COPB2: variants seen among roughly 807,000 people sequenced by gnomAD.
The protein encoded by COPB2 is coat protein complex I subunit beta 2.
Under a neutral mutation model 120.8 loss-of-function variants are expected in COPB2, and 16 were observed. That is an observed-to-expected ratio of 0.13 (90% confidence interval 0.09 to 0.20). The LOEUF (loss-of-function observed/expected upper bound fraction) is 0.20. Ranked by LOEUF, COPB2 falls within the 10% of genes least tolerant of loss-of-function variation. The pLI is 1.00. For synonymous variants in COPB2, 332 were observed against 366.3 expected, an observed-to-expected ratio of 0.91 and a Z score of 1.07; for missense variants, 794 against 1,076.5, an observed-to-expected ratio of 0.74 and a Z score of 3.67.
rs1560017210 is a variant in COPB2, at chr3:139,371,792, G to A, written c.1136C>T (p.Thr379Ile). ...VCGDGEYIIY[T>I]AMALRNKSFG... ...GCTCTTGTTTCTCAATGCCATTGCTGTGTAGATGATATACTCCCCATCACC... is the reference window on the plus strand; with the variant it reads ...GCTCTTGTTTCTCAATGCCATTGCTATGTAGATGATATACTCCCCATCACC... The change falls in exon 10 of 22, where the codon ACA (threonine) becomes ATA (isoleucine). Residue 379 changes from threonine to isoleucine, a missense_variant. By Grantham distance (89) the Thr-to-Ile change is moderately conservative. Transcript: ENST00000333188. 10 of 1,613,966 alleles carry A rather than the reference G, an allele frequency of 6.2e-6. No individual in the cohort carries two copies. The highest frequency in any genetic ancestry group is 8.5e-6 in the Non-Finnish European group (10 of 1,179,922).
At chr3:139,364,686 T>C (rs1201910437) in intron 15 of COPB2, among the ~76,000 whole-genome samples, 1 of 152,176 alleles carries the variant, frequency 6.6e-6, no homozygotes, top group Non-Finnish European at 1.5e-5. Flanking sequence ...TGGAAAGTCA[T>C]CAAAAATTCA....
In COPB2 at chr3:139,371,791, T is replaced by A. The variant is rs1170973943; in HGVS notation, c.1137A>T (p.Thr379=). The change falls in exon 10 of 22, where the codon ACA becomes ACT. Residue 379 remains threonine (T), a synonymous_variant. Coordinates refer to ENST00000333188, the MANE Select transcript of COPB2 (RefSeq NM_004766.3). The part of the protein sequence containing the change: ...VCGDGEYIIY[T]AMALRNKSFG... ...AGCTCTTGTTTCTCAATGCCATTGCTGTGTAGATGATATACTCCCCATCAC... is the reference window on the plus strand; with the variant it reads ...AGCTCTTGTTTCTCAATGCCATTGCAGTGTAGATGATATACTCCCCATCAC... The A allele has an allele frequency of 3.1e-6, 5 of 1,613,896 alleles. No individual in the cohort carries two copies.
intron 6 of COPB2, 71 bp from the exon 7 acceptor site, chr3:139,374,659 A>T: frequency 2.4e-6 from 3 of 1,233,386 alleles, no homozygotes; most frequent in Non-Finnish European, 3.5e-6. Flanking sequence ...TAATTTTCTC[A>T]GTGTACAGAT....
chr3:139,358,032 C>T, intron 21 of COPB2, 74 bp from the exon 22 acceptor site: 1 of 1,055,786 alleles, frequency 9.5e-7, no homozygotes, highest in Non-Finnish European at 1.4e-6. Flanking sequence ...GTTCATGATT[C>T]AAAGTGAGAA....
At chr3:139,364,980 T>C (rs546128979) in intron 15 of COPB2, among the ~76,000 whole-genome samples, 1 of 152,354 alleles carries the variant, frequency 6.6e-6, no homozygotes, top group African/African-American at 2.4e-5. Flanking sequence ...ATATCATTCA[T>C]ATCTGTAGAA....
Position 139,358,256 on chromosome 3 carries a change from G to A in COPB2, c.2569C>T (p.Pro857Ser), listed in dbSNP as rs546968520. Residue 857 changes from proline (P) to serine (S), a missense_variant, in exon 21 of 22, where the codon CCT becomes TCT. By Grantham distance (74) the Pro-to-Ser change is moderately conservative. Coordinates refer to ENST00000333188, the MANE Select transcript of COPB2 (RefSeq NM_004766.3). Reference sequence around the variant, plus strand: ...ACAATAACCGGAGTAGGAGAAGCAGGTTTCCCATCAAGTTCCTGAAACCAC... The same window carrying A: ...ACAATAACCGGAGTAGGAGAAGCAGATTTCCCATCAAGTTCCTGAAACCAC... ...STAQQELDGK[P>S]ASPTPVIVAS... 4 of 1,614,076 alleles carry A rather than the reference G, an allele frequency of 2.5e-6. No individual in the cohort carries two copies. The African/African-American group carries it at 4.0e-5, about 16-fold the overall frequency.
intron 1 of COPB2, 43 bp from the exon 2 acceptor site, chr3:139,383,478 AAAT>A: frequency 6.8e-7 from 1 of 1,478,140 alleles, no homozygotes; most frequent in Non-Finnish European, 9.0e-7. Context: ...AAGCCAAATA[AAAT>A]ATGTTTGAGA....
intron 1 of COPB2, among the ~76,000 whole-genome samples, chr3:139,389,214 A>G (rs1413789492): frequency 6.6e-6 from 1 of 152,210 alleles, no homozygotes; most frequent in African/African-American, 2.4e-5. Flanking sequence ...CTTTAGTTTT[A>G]CCAAAGCCTC....
intron 1 of COPB2, among the ~76,000 whole-genome samples, chr3:139,387,535 T>A (rs1160139354): frequency 6.6e-6 from 1 of 152,182 alleles, no homozygotes; most frequent in Non-Finnish European, 1.5e-5. Flanking sequence ...TCCTAGGGAA[T>A]CCTATAGGAT....
At chr3:139,366,915 A>T in intron 14 of COPB2, 100 bp downstream of exon 14, 1 of 1,502,510 alleles carries the variant, frequency 6.7e-7, no homozygotes, top group South Asian at 1.3e-5. Flanking sequence ...TACTAAAACT[A>T]TAACACTGAA....
chr3:139,368,217 C>T lies in COPB2; in HGVS notation c.1473G>A (p.Leu491=), dbSNP rs1477690186. ...TEESFFILKY[L]SEKVLAAQET... ...CCTGTGCAGCCAAGACTTTTTCTGA[C>T]AGATACTTAAGGATAAAAAATGATT... Residue 491 remains leucine (L), a synonymous_variant, in exon 13 of 22, where the codon CTG becomes CTA. Transcript: ENST00000333188. 4.3e-6 allele frequency: 7 copies of T among 1,613,754 alleles called. No individual in the cohort carries two copies. Among genetic ancestry groups the T allele is most frequent in the Admixed American group, 1.7e-5 (1 of 59,976 alleles).
intron 15 of COPB2, among the ~76,000 whole-genome samples, chr3:139,363,462 T>C (rs1349998378): frequency 1.3e-5 from 2 of 152,208 alleles, no homozygotes; most frequent in Non-Finnish European, 2.9e-5. Flanking sequence ...TCCTGAAATG[T>C]ACCCCCTTCC....
At chr3:139,386,422 T>C (rs1217234157) in intron 1 of COPB2, among the ~76,000 whole-genome samples, 1 of 152,068 alleles carries the variant, frequency 6.6e-6, no homozygotes, top group Non-Finnish European at 1.5e-5. Context: ...GTCCAGCTAA[T>C]TTTTGTATTT....
At position 139,358,263 on chromosome 3, in the gene COPB2, A is replaced by G; in HGVS notation, c.2562T>C (p.Asp854=). The change falls in exon 21 of 22, where the codon GAT becomes GAC. Residue 854 remains aspartate, a synonymous_variant. Coordinates refer to ENST00000333188, the MANE Select transcript of COPB2 (RefSeq NM_004766.3). ...CCGGAGTAGGAGAAGCAGGTTTCCC[A>G]TCAAGTTCCTGAAACCACAAGTGAA... ...PSRSTAQQEL[D]GKPASPTPVI... is the part of the protein sequence containing the mutation. 2 of 1,613,990 alleles carry G rather than the reference A, an allele frequency of 1.2e-6. No homozygotes were observed. Among genetic ancestry groups the G allele is most frequent in the Non-Finnish European group, 1.7e-6 (2 of 1,179,858 alleles).
intron 5 of COPB2, among the ~76,000 whole-genome samples, chr3:139,376,561 T>C (rs912121836): frequency 1.3e-5 from 2 of 152,200 alleles, no homozygotes; most frequent in Non-Finnish European, 2.9e-5. Context: ...AAAGTTAATC[T>C]ATGTCAAAAG....
At chr3:139,381,940 A>T (rs1226266740) in intron 2 of COPB2, 2 of 152,262 alleles carry the variant, frequency 1.3e-5, no homozygotes. Context: ...AAGCAAAAAC[A>T]ATTCACAAGA....
chr3:139,362,566 T>C (rs1941442040), intron 15 of COPB2, 49 bp from the exon 16 acceptor site: 2 of 1,207,024 alleles, frequency 1.7e-6, no homozygotes, highest in Non-Finnish European at 2.3e-6. Context: ...CAAAAATGTA[T>C]GTATGTTTTA....
Position 139,379,052 on chromosome 3 carries a change from C to G in COPB2, c.350G>C (p.Ser117Thr). The change falls in exon 4 of 22, where the codon AGC becomes ACC. Residue 117 changes from serine to threonine, a missense_variant. By Grantham distance (58) the Ser-to-Thr change is moderately conservative (BLOSUM62 1). Transcript: ENST00000333188. Reference sequence around the variant, plus strand: ...CAAAAAAGGTCATCTCTTACCACTGCTAGTTAGAATGAAAGGCTGGGTTGG... The same window carrying G: ...CAAAAAAGGTCATCTCTTACCACTGGTAGTTAGAATGAAAGGCTGGGTTGG... The part of the protein sequence containing the change: ...VHPTQPFILT[S>T]SDDMLIKLWD... The G allele has an allele frequency of 6.3e-7, 1 of 1,593,628 alleles. No individual in the cohort carries two copies.
At chr3:139,373,582 T>C in intron 8 of COPB2, 84 bp downstream of exon 8, 1 of 1,582,402 alleles carries the variant, frequency 6.3e-7, no homozygotes, top group Non-Finnish European at 8.6e-7. Flanking sequence ...TTTATAAAAC[T>C]GGTTACTTGG....
Sources: gnomAD v4.1 joint callset for allele counts (sites outside exome capture counted in the v4.1 genomes callset) on GRCh38, gnomAD v4.1.1 for gene constraint, MANE v1.5 for transcripts, NCBI Gene and HGNC (gene_info 2026-07-23, HGNC 2026-07-21) for gene names.